Variants in SYTL2 observed in about 807,000 individuals in gnomAD.
SYTL2 encodes the protein synaptotagmin like 2, also known as synaptotagmin-like protein 2.
In SYTL2, 165 loss-of-function variants were observed where a neutral mutation model predicts 198.7. The ratio of observed to expected loss-of-function variants is 0.83; its 90% confidence interval spans 0.73 to 0.94. The LOEUF (loss-of-function observed/expected upper bound fraction) is 0.94, where lower values mean the gene tolerates loss of function less well. Among genes scored for constraint, SYTL2 ranks in the 40% least tolerant of loss-of-function variants. The pLI, the probability that SYTL2 is intolerant of heterozygous loss-of-function variation, is 0.00. For synonymous variants in SYTL2, 966 were observed against 917.7 expected (o/e 1.05, Z -0.95); for missense variants, 2,835 against 2,582.8 (o/e 1.10, Z -2.12).
chr11:85,718,373 A>G (rs908947583), intron 10 of SYTL2: 2 of 170,142 alleles, frequency 1.2e-5, no homozygotes, highest in Non-Finnish European at 2.6e-5. Context: ...CTTTGAATTT[A>G]AGATTTTACC....
At chr11:85,745,526 T>C (rs2091090706) in intron 4 of SYTL2, 111 bp downstream of exon 4, 5 of 1,240,924 alleles carry the variant, frequency 4.0e-6, no homozygotes, top group South Asian at 1.6e-5. Context: ...CCCTTCCCCA[T>C]GCCCATGACC....
At chr11:85,833,945 C>T in the SYTL2 span, among the ~76,000 whole-genome samples, 1 of 151,746 alleles carries the variant, frequency 6.6e-6, no homozygotes, top group African/African-American at 2.4e-5. Flanking sequence ...CGCCAAGTTG[C>T]CCAGGCTAGT....
chr11:85,720,528 T>C (rs2088134342), intron 9 of SYTL2, among the ~76,000 whole-genome samples: 1 of 152,224 alleles, frequency 6.6e-6, no homozygotes, highest in African/African-American at 2.4e-5. Flanking sequence ...TAATATTCAA[T>C]AAATGCTAGT....
At chr11:85,803,453 G>T (rs1018684098) in intron 1 of SYTL2, among the ~76,000 whole-genome samples, 1 of 152,138 alleles carries the variant, frequency 6.6e-6, no homozygotes. Context: ...ATAACTGCAG[G>T]AATAAGTGGC....
chr11:85,841,961 T>C, the SYTL2 span, among the ~76,000 whole-genome samples: 1 of 152,250 alleles, frequency 6.6e-6, no homozygotes, highest in Non-Finnish European at 1.5e-5. Flanking sequence ...CCTGGTTTAC[T>C]TTCTGGAAAG....
chr11:85,800,841 A>G (rs1158969770), intron 1 of SYTL2, among the ~76,000 whole-genome samples: 1 of 152,186 alleles, frequency 6.6e-6, no homozygotes, highest in Non-Finnish European at 1.5e-5. Flanking sequence ...CTGGCCACAC[A>G]TTATTAATAG....
At chr11:85,848,495 CA>C in the SYTL2 span, among the ~76,000 whole-genome samples, 83 of 151,740 alleles carry the variant, frequency 5.5e-4, no homozygotes, top group Non-Finnish European at 1.0e-3. Flanking sequence ...AGTGAAGCTT[CA>C]TTTTTTTTTT....
chr11:85,694,787 C>G lies in SYTL2; in HGVS notation c.*408G>C, dbSNP rs1277578580. The G allele has an allele frequency of 6.5e-6, 1 of 153,200 alleles. No individual in the cohort carries two copies. The highest frequency in any genetic ancestry group is 1.5e-5 in the Non-Finnish European group (1 of 68,808). 9.5% of individuals were successfully genotyped at this position (153,200 alleles called of 1,614,324 possible). On this transcript the variant is annotated 3_prime_UTR_variant, in exon 20 of 20. Coordinates refer to ENST00000359152, the MANE Select transcript of SYTL2 (RefSeq NM_206927.4). ...TTTGAGTATCTTTCTGCGACTTTTT[C>G]CCACAACCTACAAAGGTCCTGCAAG... is the stretch of plus-strand genomic sequence containing the variant.
intron 13 of SYTL2, 116 bp from the exon 14 acceptor site, chr11:85,709,616 T>C (rs2085897320): frequency 5.6e-6 from 5 of 900,824 alleles, no homozygotes; most frequent in Non-Finnish European, 8.7e-6. Context: ...TAAAAGCAGT[T>C]AATTCAATAT....
In SYTL2 at chr11:85,709,417, A is replaced by G. The variant is rs1473256652; in HGVS notation, c.5829T>C (p.Tyr1943=). ...CATGCAACTCCTTCAGTGACTCCAC[A>G]TATTCAATTGCAAACTGAATATTTC... ...VKGNIQFAIE[Y]VESLKELHVF... The change falls in exon 14 of 20, where the codon TAT becomes TAC. Residue 1943 remains tyrosine, a synonymous_variant. Coordinates refer to ENST00000359152, the MANE Select transcript of SYTL2 (RefSeq NM_206927.4). The G allele has an allele frequency of 4.3e-6, 7 of 1,614,038 alleles. No homozygotes were observed. The highest frequency in any genetic ancestry group is 1.1e-5 in the South Asian group (1 of 91,084).
intron 3 of SYTL2, among the ~76,000 whole-genome samples, chr11:85,747,292 T>TTA (rs545320839): frequency 4.1e-4 from 60 of 146,780 alleles, no homozygotes; most frequent in African/African-American, 1.5e-3. Context: ...CTATGTCTAT[T>TTA]AAAAAAAAAA....
intron 18 of SYTL2, among the ~76,000 whole-genome samples, chr11:85,697,512 A>G (rs541024893): frequency 5.3e-4 from 80 of 152,324 alleles, no homozygotes; most frequent in African/African-American, 1.9e-3. Context: ...AAAAACCCAA[A>G]CTGTCTCAAG....
chr11:85,811,124 C>T lies in SYTL2; in HGVS notation c.-560G>A, dbSNP rs1271609238. On this transcript the variant is annotated 5_prime_UTR_variant, in exon 1 of 20. Transcript: ENST00000359152. The stretch of plus-strand genomic sequence containing the variant: ...CCCGACGGACGCTGGCGGCACGGCC[C>T]GGGTGTCGCCCGGCACTGTCAACGC... 2.6e-5 allele frequency: 4 copies of T among 152,184 alleles called. No individual in the cohort carries two copies. Among genetic ancestry groups the T allele is most frequent in the African/African-American group, 9.6e-5 (4 of 41,458 alleles). The allele number at this position is 152,184 out of a possible 1,614,324, so 9.4% of individuals were successfully genotyped here. A position where few individuals can be genotyped will look rare whatever the true frequency, so the allele number is the denominator to read the frequency against.
intron 10 of SYTL2, chr11:85,718,395 G>C: frequency 5.3e-6 from 1 of 188,416 alleles, no homozygotes. Flanking sequence ...GTTGTGCCCA[G>C]AGAGATCTAA....
intron 1 of SYTL2, among the ~76,000 whole-genome samples, chr11:85,794,353 A>T (rs931763901): frequency 2.0e-5 from 3 of 149,776 alleles, no homozygotes; most frequent in Non-Finnish European, 4.4e-5. Context: ...TAATTTTTAA[A>T]TTTTTTTTCT....
At chr11:85,701,681 T>G (rs1249173670) in intron 16 of SYTL2, among the ~76,000 whole-genome samples, 2 of 152,234 alleles carry the variant, frequency 1.3e-5, no homozygotes, top group African/African-American at 4.8e-5. Flanking sequence ...ATTTCTTTAG[T>G]GGAACTAAAA....
chr11:85,765,643 C>T (rs992783360), intron 1 of SYTL2, among the ~76,000 whole-genome samples: 4 of 152,178 alleles, frequency 2.6e-5, no homozygotes, highest in African/African-American at 9.7e-5. Context: ...CATCTTTCTA[C>T]TTCATTCATC....
intron 8 of SYTL2, among the ~76,000 whole-genome samples, chr11:85,722,170 A>ATTT (rs574669583): frequency 1.8e-4 from 17 of 94,630 alleles, no homozygotes; most frequent in East Asian, 3.1e-4. Flanking sequence ...TGTTTAGGTG[A>ATTT]TTTTTTTTTT....
At chr11:85,756,779 T>A (rs1265184896) in intron 2 of SYTL2, among the ~76,000 whole-genome samples, 1 of 152,364 alleles carries the variant, frequency 6.6e-6, no homozygotes, top group South Asian at 2.1e-4. Context: ...TAAATCAGTG[T>A]CAAGATACGG....
Sources: allele counts gnomAD v4.1 joint callset (sites outside exome capture counted in the v4.1 genomes callset), GRCh38; gene constraint gnomAD v4.1.1; transcripts MANE v1.5; gene names NCBI Gene and HGNC (gene_info 2026-07-23, HGNC 2026-07-21).